NPHP4: variants seen among roughly 807,000 people sequenced by gnomAD.
The protein encoded by NPHP4 is nephrocystin-4.
Under a neutral mutation model 155.8 loss-of-function variants are expected in NPHP4, and 151 were observed. That is an observed-to-expected ratio of 0.97 (90% CI 0.85 to 1.11). The LOEUF (loss-of-function observed/expected upper bound fraction) is 1.11. Ranked by LOEUF, NPHP4 falls within the 50% of genes least tolerant of loss-of-function variation. The pLI is 0.00. For missense variants in NPHP4, 1,956 were observed against 1,925.7 expected (o/e 1.02, Z -0.29); for synonymous variants, 845 against 816.8 (o/e 1.03, Z -0.59).
At chr1:5,947,007 C>T (rs1342731360) in intron 9 of NPHP4, 97 bp downstream of exon 9, 2 of 1,252,914 alleles carry the variant, frequency 1.6e-6, no homozygotes, top group Non-Finnish European at 2.3e-6. Flanking sequence ...ATAATCATGC[C>T]TGTTTTTAAT....
At chr1:5,877,397 G>C in intron 19 of NPHP4, 99 bp from the exon 20 acceptor site, 1 of 940,750 alleles carries the variant, frequency 1.1e-6, no homozygotes. Flanking sequence ...ATATAGGGAG[G>C]GAGCTCAAGA....
Position 5,866,552 on chromosome 1 carries a change from C to T in NPHP4, c.3559-94G>A, listed in dbSNP as rs114069876. 881 of 731,676 alleles carry T rather than the reference C, an allele frequency of 1.2e-3. 8 individuals are homozygous for T. Among genetic ancestry groups the T allele is most frequent in the African/African-American group, 0.011 (650 of 57,686 alleles). 45.3% of individuals were successfully genotyped at this position (731,676 alleles called of 1,614,324 possible). On this transcript the variant is annotated intron_variant, in intron 25 of 29. Transcript: ENST00000378156. ...TGTGACTAATACACGCAGCGAGTGA[C>T]GGCCAGTCCCTCCCAGAACGCATCT...
At position 5,874,524 on chromosome 1, in the gene NPHP4, G is replaced by A. The variant is rs1642354358; in HGVS notation, c.3178C>T (p.His1060Tyr). 3.8e-6 allele frequency: 6 copies of A among 1,589,582 alleles called. No homozygotes were observed. The highest frequency in any genetic ancestry group is 5.1e-6 in the Non-Finnish European group (6 of 1,168,190). The change falls in exon 22 of 30, where the codon CAC becomes TAC. Residue 1060 changes from histidine (H) to tyrosine (Y), a missense_variant. Transcript: ENST00000378156. ...AAGCTCTGGAACTTGAAGGGGACGT[G>A]GGCGGTCTCGTGGGGGCGCAGGTAG... ...QLYLRPHETAHVPFKFQSFSA... is the reference protein window; with the variant it reads ...QLYLRPHETAYVPFKFQSFSA...
chr1:5,969,784 G>A lies in NPHP4; in HGVS notation c.280-525C>T, dbSNP rs1490991783. Among the ~76,000 whole-genome samples the A allele has an allele frequency of 3.9e-5, 6 of 152,156 alleles. 1 individual carries two copies. In the South Asian group the frequency reaches 6.2e-4, roughly 16 times the overall value. On this transcript the variant is annotated intron_variant, in intron 3 of 29. Transcript: ENST00000378156. ...GATCACACCTTCCCAGTGCTGCTTC[G>A]TGCGTAACCATTTTGAGTTCCATCT... is the stretch of plus-strand genomic sequence containing the variant.
At chr1:5,964,935 A>ATTTTTTTTTTTTTTTT (rs1476774217) in intron 5 of NPHP4, among the ~76,000 whole-genome samples, 6 of 31,970 alleles carry the variant, frequency 1.9e-4, no homozygotes, top group African/African-American at 3.9e-4. Flanking sequence ...ATATATATAT[A>ATTTTTTTTTTTTTTTT]TATATATTTT....
At chr1:5,865,890 A>C in intron 26 of NPHP4, 1 of 192,672 alleles carries the variant, frequency 5.2e-6, no homozygotes, top group Non-Finnish European at 1.1e-5. Context: ...CCGAGCTCAC[A>C]CCAGTTTGAA....
intron 11 of NPHP4, among the ~76,000 whole-genome samples, chr1:5,926,772 C>T (rs1322161299): frequency 6.6e-6 from 1 of 152,188 alleles, no homozygotes; most frequent in Non-Finnish European, 1.5e-5. Flanking sequence ...AGCAACTCCT[C>T]CCTCGACACC....
chr1:5,945,215 C>G (rs185328767), intron 9 of NPHP4, among the ~76,000 whole-genome samples: 2 of 152,290 alleles, frequency 1.3e-5, no homozygotes, highest in East Asian at 1.9e-4. Context: ...CACCTCCCCC[C>G]ACAGCCCCTG....
Position 5,874,841 on chromosome 1 carries a change from GCTGGGGCAGGACGGGCACCA to G in NPHP4, c.3044+13_3044+32del. 1 of 1,595,458 alleles carries G rather than the reference GCTGGGGCAGGACGGGCACCA, an allele frequency of 6.3e-7. No homozygotes were observed. The highest frequency in any genetic ancestry group is 8.6e-7 in the Non-Finnish European group (1 of 1,163,668). On this transcript the variant is annotated intron_variant, in intron 21 of 29. Transcript: ENST00000378156. ...CCGGCTGCACCCGACACAGATCTGG[GCTGGGGCAGGACGGGCACCA>G]CTGAGACCTCACCTGAGCTCGGGGT...
intron 19 of NPHP4, among the ~76,000 whole-genome samples, chr1:5,879,829 ACG>A (rs756864795): frequency 3.9e-5 from 4 of 102,248 alleles, no homozygotes; most frequent in East Asian, 2.7e-4. Context: ...ACACACACAC[ACG>A]CAAACACACA....
At chr1:5,939,570 C>T (rs558394519) in intron 9 of NPHP4, among the ~76,000 whole-genome samples, 174 of 152,344 alleles carry the variant, frequency 1.1e-3, no homozygotes, top group African/African-American at 4.0e-3. Context: ...CCCAGCTCCA[C>T]TTCCCTCCCT....
intron 9 of NPHP4, among the ~76,000 whole-genome samples, chr1:5,934,810 C>A (rs1302040858): frequency 6.6e-6 from 1 of 152,198 alleles, no homozygotes; most frequent in East Asian, 1.9e-4. Context: ...CAGCATCCAC[C>A]AGGAACAGAG....
In NPHP4 at chr1:5,952,954, G is replaced by A. The variant is rs576590032; in HGVS notation, c.674-118C>T. 100 of 873,302 alleles carry A rather than the reference G, an allele frequency of 1.1e-4. 2 individuals carry two copies. The South Asian group carries it at 1.2e-3, about 11-fold the overall frequency. 54.1% of individuals were successfully genotyped at this position (873,302 alleles called of 1,614,324 possible). ...GGGCCTGCAGCAACGAAGGGTGCTCGGGACTCCCAGACAGAGCACAAGGCC... is the reference window on the plus strand; with the variant it reads ...GGGCCTGCAGCAACGAAGGGTGCTCAGGACTCCCAGACAGAGCACAAGGCC... On this transcript the variant is annotated intron_variant, in intron 6 of 29. Coordinates refer to ENST00000378156, the MANE Select transcript of NPHP4 (RefSeq NM_015102.5).
chr1:5,928,278 AT>A (rs1646113885), intron 10 of NPHP4, among the ~76,000 whole-genome samples: 1 of 152,250 alleles, frequency 6.6e-6, no homozygotes, highest in Non-Finnish European at 1.5e-5. Context: ...CTTTTTGAGA[AT>A]GTCAAAAAAA....
rs756219438 is a variant in NPHP4 at position 5,874,991 on chromosome 1, G to A, written c.2927C>T (p.Thr976Ile). 70 of 1,612,456 alleles carry A rather than the reference G, an allele frequency of 4.3e-5. No homozygotes were observed. The highest frequency in any genetic ancestry group is 4.2e-5 in the Non-Finnish European group (50 of 1,179,894). Residue 976 changes from threonine to isoleucine, a missense_variant, in exon 21 of 30, where the codon ACC becomes ATC. Thr to Ile is a moderately conservative substitution (Grantham distance 89, BLOSUM62 -1). Coordinates refer to ENST00000378156, the MANE Select transcript of NPHP4 (RefSeq NM_015102.5). ...CGTGGCGTGGAGCGTGTGCTCCGTG[G>A]TGATGGCCAGGCTCAGCAGGCTGGC... Reference protein sequence around the residue: ...SIASLLSLAITTEHTLHATLG... With the variant: ...SIASLLSLAIITEHTLHATLG...
chr1:5,873,599 C>A (rs114720152), intron 22 of NPHP4: 6,667 of 550,146 alleles, frequency 0.012, 315 homozygotes, highest in African/African-American at 0.1. Context: ...GTCCTCACAG[C>A]CCATCCCAAG....
intron 11 of NPHP4, among the ~76,000 whole-genome samples, chr1:5,911,547 G>A (rs561730793): frequency 5.9e-5 from 9 of 152,212 alleles, no homozygotes; most frequent in South Asian, 2.1e-4. Flanking sequence ...TTTCCCCATC[G>A]TCTCAAATTT....
intron 11 of NPHP4, among the ~76,000 whole-genome samples, chr1:5,917,409 G>A (rs984335849): frequency 8.5e-5 from 13 of 152,138 alleles, no homozygotes; most frequent in Admixed American, 2.0e-4. Context: ...GCTTAAAGGG[G>A]AGGGGAGGGG....
chr1:5,862,883 G>A lies in NPHP4; in HGVS notation c.*382C>T. 4.2e-6 allele frequency: 1 copy of A among 237,034 alleles called. No individual in the cohort carries two copies. The highest frequency in any genetic ancestry group is 8.5e-6 in the Non-Finnish European group (1 of 117,530). The allele number at this position is 237,034 out of a possible 1,614,324, so 14.7% of individuals were successfully genotyped here. On this transcript the variant is annotated 3_prime_UTR_variant, in exon 30 of 30. Coordinates refer to ENST00000378156, the MANE Select transcript of NPHP4 (RefSeq NM_015102.5). Reference sequence around the variant, plus strand: ...TAATACCAGCATAAAATATTGCATAGCAAATAATAGATTATGTTTGTACAA... The same window carrying A: ...TAATACCAGCATAAAATATTGCATAACAAATAATAGATTATGTTTGTACAA...
Sources: allele counts gnomAD v4.1 joint callset (sites outside exome capture counted in the v4.1 genomes callset), GRCh38; gene constraint gnomAD v4.1.1; transcripts MANE v1.5; gene names NCBI Gene and HGNC (gene_info 2026-07-23, HGNC 2026-07-21).